The following SLC29A4 variants were observed in gnomAD, a reference collection of about 807,000 sequenced individuals.
The protein encoded by SLC29A4 is solute carrier family 29 member 4, also known as equilibrative nucleoside transporter 4.
In SLC29A4, 36 loss-of-function variants were observed where a neutral mutation model predicts 43.9. The observed-to-expected ratio is 0.82, with a 90% CI of 0.63 to 1.08. The LOEUF (loss-of-function observed/expected upper bound fraction) is 1.08. Ranked by LOEUF, SLC29A4 falls within the 50% of genes least tolerant of loss-of-function variation. SLC29A4 has a pLI of 0.00. For missense variants in SLC29A4, 869 were observed against 755.3 expected (o/e 1.15, Z -1.77); for synonymous variants, 491 against 338.0 (o/e 1.45, Z -4.97).
intron 6 of SLC29A4, 98 bp from the exon 7 acceptor site, chr7:5,296,838 G>A (rs1223459238): frequency 2.2e-6 from 3 of 1,336,706 alleles, no homozygotes; most frequent in African/African-American, 3.1e-5. Flanking sequence ...GGGCGGGGCC[G>A]GTGGGGAGGG....
intron 7 of SLC29A4, among the ~76,000 whole-genome samples, chr7:5,298,384 G>C (rs1253402012): frequency 2.6e-5 from 4 of 152,194 alleles, no homozygotes; most frequent in Admixed American, 2.6e-4. Context: ...AGCTCCGTGT[G>C]TTTGGAGGAG....
rs967656999 is a variant in SLC29A4 at position 5,294,998 on chromosome 7, C to T, written c.619+64C>T. The T allele has an allele frequency of 3.5e-5, 49 of 1,404,434 alleles. No homozygotes were observed. The African/African-American group carries it at 3.8e-4, about 11-fold the overall frequency. The allele number at this position is 1,404,434 out of a possible 1,614,324, so 87.0% of individuals were successfully genotyped here. A position where few individuals can be genotyped will look rare whatever the true frequency, so the allele number is the denominator to read the frequency against. ...CTGCCCTGGGCTCTGGAAGCTTCTTCCCAGGGACTCCCCATGATGCTCCCC... is the reference window on the plus strand; with the variant it reads ...CTGCCCTGGGCTCTGGAAGCTTCTTTCCAGGGACTCCCCATGATGCTCCCC... On this transcript the variant is annotated intron_variant, in intron 6 of 10. Transcript: ENST00000396872.
At chr7:5,293,175 T>G (rs1490435122) in intron 5 of SLC29A4, among the ~76,000 whole-genome samples, 2 of 147,442 alleles carry the variant, frequency 1.4e-5, no homozygotes, top group Non-Finnish European at 3.0e-5. Flanking sequence ...TTTTTTTTTT[T>G]TTTTTTTGAG....
At chr7:5,294,294 C>T (rs1253747216) in intron 5 of SLC29A4, among the ~76,000 whole-genome samples, 1 of 152,124 alleles carries the variant, frequency 6.6e-6, no homozygotes, top group East Asian at 1.9e-4. Flanking sequence ...ACTTCCAGGG[C>T]TGGATTTGCT....
intron 1 of SLC29A4, among the ~76,000 whole-genome samples, 198 bp from the exon 2 acceptor site, chr7:5,287,611 C>T (rs1378944984): frequency 2.6e-5 from 4 of 152,184 alleles, no homozygotes; most frequent in East Asian, 1.9e-4. Flanking sequence ...GCTGAAAACC[C>T]GGGTCTTTGA....
At position 5,299,301 on chromosome 7, in the gene SLC29A4, C is replaced by T. The variant is rs537828236; in HGVS notation, c.1083C>T (p.Ala361=). ...TCTGGGCCGACATGCTCTCCATCGC[C>T]GTGACCTACTTCATCACGCTGTGCC... ...RVIWADMLSI[A]VTYFITLCLF... Residue 361 remains alanine (A), a synonymous_variant, in exon 9 of 11, where the codon GCC becomes GCT. Transcript: ENST00000396872. The T allele has an allele frequency of 3.3e-5, 53 of 1,612,060 alleles. No individual in the cohort carries two copies. The highest frequency in any genetic ancestry group is 8.8e-5 in the South Asian group (8 of 91,004).
chr7:5,289,466 A>G (rs1438084506), intron 2 of SLC29A4, among the ~76,000 whole-genome samples: 2 of 152,162 alleles, frequency 1.3e-5, no homozygotes, highest in Non-Finnish European at 2.9e-5. Context: ...CAGGAAGGTC[A>G]TGGACAGTCT....
Position 5,300,756 on chromosome 7 carries a change from T to C in SLC29A4, c.1450+94T>C. On this transcript the variant is annotated intron_variant, in intron 10 of 10. Coordinates refer to ENST00000396872, the MANE Select transcript of SLC29A4 (RefSeq NM_153247.4). ...CCAGGCTAGACCGCAGGAAGGTGCA[T>C]TTGGGTTCCGGGGGTTCAGAACAGT... The C allele has an allele frequency of 3.3e-6, 5 of 1,502,290 alleles. No individual in the cohort carries two copies. The South Asian group carries it at 4.9e-5, about 15-fold the overall frequency. The allele number at this position is 1,502,290 out of a possible 1,614,324, so 93.1% of individuals were successfully genotyped here.
rs533721558 is a variant in SLC29A4, at chr7:5,296,291, C to T, written c.620-645C>T. Reference sequence around the variant, plus strand: ...CATCTTGTTGCATCCATCCTCTTCCCACCCTGCGCCCGTGTGTCATCGTGG... The same window carrying T: ...CATCTTGTTGCATCCATCCTCTTCCTACCCTGCGCCCGTGTGTCATCGTGG... On this transcript the variant is annotated intron_variant, in intron 6 of 10. Coordinates refer to ENST00000396872, the MANE Select transcript of SLC29A4 (RefSeq NM_153247.4). Among the ~76,000 whole-genome samples, 27 of 151,790 alleles carry T rather than the reference C, an allele frequency of 1.8e-4. 1 individual carries two copies. In the East Asian group the frequency reaches 4.7e-3, roughly 27 times the overall value.
chr7:5,302,777 C>T lies in SLC29A4; in HGVS notation c.1451-20C>T, dbSNP rs373474644. 20 of 1,545,782 alleles carry T rather than the reference C, an allele frequency of 1.3e-5. No homozygotes were observed. The African/African-American group carries it at 2.1e-4, about 16-fold the overall frequency. ...GTGGCCGCCCTGGCCCTGCTCCCCT[C>T]AGGCTGGTGTTGTCCACAGGGAACA... On this transcript the variant is annotated intron_variant, in intron 10 of 10. Transcript: ENST00000396872.
intron 4 of SLC29A4, among the ~76,000 whole-genome samples, 159 bp from the exon 5 acceptor site, chr7:5,291,534 C>T (rs569193776): frequency 6.6e-6 from 1 of 152,354 alleles, no homozygotes; most frequent in South Asian, 2.1e-4. Flanking sequence ...CTACAGGAAG[C>T]CCTCCAGGTG....
chr7:5,284,711 C>A (rs1447610263), intron 1 of SLC29A4, among the ~76,000 whole-genome samples: 1 of 152,190 alleles, frequency 6.6e-6, no homozygotes, highest in East Asian at 1.9e-4. Flanking sequence ...GGGAGAGCGG[C>A]TGCAGCAGGG....
rs1306522147 is a variant in SLC29A4 at position 5,306,534 on chromosome 7, A to T, written c.*3595A>T. The T allele has an allele frequency of 6.6e-6, 1 of 151,840 alleles. No individual in the cohort carries two copies. The highest frequency in any genetic ancestry group is 2.4e-5 in the African/African-American group (1 of 41,342). 9.4% of individuals were successfully genotyped at this position (151,840 alleles called of 1,614,324 possible). On this transcript the variant is annotated 3_prime_UTR_variant, in exon 11 of 11. Transcript: ENST00000396872. The stretch of plus-strand genomic sequence containing the variant: ...TTTTTAGTAGAGATGGGGTTTCACC[A>T]TATTGGCCAGGCTGGTCTCGAACTC...
rs755367533 is a variant in SLC29A4, at chr7:5,296,953, ATC to A, written c.643_644del (p.Leu215GlufsTer52). The A allele has an allele frequency of 4.3e-5, 69 of 1,592,700 alleles. No individual in the cohort carries two copies. Among genetic ancestry groups the A allele is most frequent in the Non-Finnish European group, 5.8e-5 (68 of 1,176,882 alleles). ...MTGESTAGVM[I>X]SLSRILTKLL... ...CCCCCCAGGCACGGCGGGCGTGATGATCTCTCTGAGCCGCATCCTCACGAAGC... is the reference window on the plus strand; with the variant it reads ...CCCCCCAGGCACGGCGGGCGTGATGATCTCTGAGCCGCATCCTCACGAAGC... On this transcript the variant is annotated frameshift_variant, in exon 7 of 11. Transcript: ENST00000396872. LOFTEE classifies it high-confidence loss of function.
At chr7:5,283,665 G>A (rs917957194) in intron 1 of SLC29A4, among the ~76,000 whole-genome samples, 1 of 152,224 alleles carries the variant, frequency 6.6e-6, no homozygotes, top group Non-Finnish European at 1.5e-5. Flanking sequence ...GAAAGGGGGT[G>A]GCCGGAGGGG....
chr7:5,297,310 C>G (rs1374836311), intron 7 of SLC29A4, 112 bp downstream of exon 7: 2 of 1,273,360 alleles, frequency 1.6e-6, no homozygotes, highest in African/African-American at 1.5e-5. Flanking sequence ...AGACTGTGGT[C>G]TCCTCCTGTG....
intron 5 of SLC29A4, among the ~76,000 whole-genome samples, chr7:5,292,690 C>CTTTTTTTTTTT (rs1056329272): frequency 0.022 from 1,475 of 67,450 alleles, 285 homozygotes; most frequent in Middle Eastern, 0.029. Context: ...CATTTTTTTC[C>CTTTTTTTTTTT]TTTTTTTTTT....
intron 2 of SLC29A4, among the ~76,000 whole-genome samples, chr7:5,289,019 C>T (rs1785140261): frequency 6.6e-6 from 1 of 152,172 alleles, no homozygotes. Flanking sequence ...TTGCTTGGGC[C>T]TGTCCCTGGC....
At chr7:5,290,645 G>C in intron 2 of SLC29A4, 87 bp from the exon 3 acceptor site, 1 of 1,516,758 alleles carries the variant, frequency 6.6e-7, no homozygotes, top group Non-Finnish European at 8.9e-7. Context: ...TATGGTGATG[G>C]CGGCCGGGGT....
Sources: allele counts gnomAD v4.1 joint callset (sites outside exome capture counted in the v4.1 genomes callset), GRCh38; gene constraint gnomAD v4.1.1; transcripts MANE v1.5; gene names NCBI Gene and HGNC (gene_info 2026-07-23, HGNC 2026-07-21).